The following NYAP2 variants were observed in gnomAD, a reference collection of about 807,000 sequenced individuals.
NYAP2 encodes the protein neuronal tyrosine-phosphorylated phosphoinositide-3-kinase adapter 2.
A neutral mutation model predicts 50.4 loss-of-function variants in NYAP2; 23 were observed. The ratio of observed to expected loss-of-function variants is 0.46; its 90% CI spans 0.33 to 0.65. The LOEUF is 0.65. Among genes scored for constraint, NYAP2 ranks in the 30% least tolerant of loss-of-function variants. The pLI, the probability that NYAP2 is intolerant of heterozygous loss-of-function variation, is 0.02. For missense variants in NYAP2, 885 were observed against 861.0 expected, an observed-to-expected ratio of 1.03 and a Z score of -0.35; for synonymous variants, 394 against 365.2, an observed-to-expected ratio of 1.08 and a Z score of -0.90.
In NYAP2 at chr2:225,551,575, T is replaced by C. The variant is rs555233898; in HGVS notation, c.524-30366T>C. 5.3e-5 allele frequency among the ~76,000 whole-genome samples: 8 copies of C among 152,314 alleles called. No homozygotes were observed. The East Asian group carries it at 9.6e-4, about 18-fold the overall frequency. ...TAAAGTTATGGGGTGGTTTGTTACA[T>C]AGCAGAAAAGTGACACTGTAATGTC... On this transcript the variant is annotated intron_variant, in intron 4 of 6. Coordinates refer to ENST00000636099, the Ensembl canonical transcript of NYAP2.
At chr2:225,460,093 TAG>T (rs1296746836) in intron 3 of NYAP2, among the ~76,000 whole-genome samples, 1 of 152,230 alleles carries the variant, frequency 6.6e-6, no homozygotes. Flanking sequence ...CACTCCTCTT[TAG>T]GTGTGGAATG....
intron 3 of NYAP2, among the ~76,000 whole-genome samples, chr2:225,412,100 A>AG (rs1208462412): frequency 1.0e-4 from 15 of 150,566 alleles, no homozygotes; most frequent in Non-Finnish European, 1.8e-4. Context: ...CTGGGACTAC[A>AG]GGCATGCACC....
At chr2:225,604,088 C>T (rs189262026) in intron 5 of NYAP2, among the ~76,000 whole-genome samples, 18 of 152,214 alleles carry the variant, frequency 1.2e-4, no homozygotes, top group Admixed American at 4.6e-4. Context: ...GTAAACACCA[C>T]GATTCCCAAG....
intron 6 of NYAP2, among the ~76,000 whole-genome samples, chr2:225,639,297 T>C (rs191801858): frequency 6.6e-6 from 1 of 152,212 alleles, no homozygotes; most frequent in African/African-American, 2.4e-5. Flanking sequence ...AGATTATATA[T>C]AACCTGAGTT....
In NYAP2 at chr2:225,453,834, A is replaced by AT. The variant is rs766421405; in HGVS notation, c.221+44755dup. On this transcript the variant is annotated intron_variant, in intron 3 of 6. Transcript: ENST00000636099. ...AGGTGCCCTCCACCACGCCCGGCTAATTTTTTTTTTTTTTTTTTTTTTAGT... is the reference window on the plus strand; with the variant it reads ...AGGTGCCCTCCACCACGCCCGGCTAATTTTTTTTTTTTTTTTTTTTTTTAGT... Among the ~76,000 whole-genome samples, 843 of 126,588 alleles carry AT rather than the reference A, an allele frequency of 6.7e-3. 9 individuals carry two copies. The highest frequency in any genetic ancestry group is 0.035 in the East Asian group (158 of 4,458). 83.0% of individuals were successfully genotyped at this position (126,588 alleles called of 152,430 possible).
At chr2:225,643,534 G>C (rs10221805) in intron 6 of NYAP2, among the ~76,000 whole-genome samples, 75,679 of 147,276 alleles carry the variant, frequency 0.51, 19,665 homozygotes, top group Admixed American at 0.64. Flanking sequence ...ATGCTGGTGC[G>C]CTGCACCCAC....
At chr2:225,628,640 T>C (rs1315934374) in intron 6 of NYAP2, among the ~76,000 whole-genome samples, 1 of 152,098 alleles carries the variant, frequency 6.6e-6, no homozygotes, top group Non-Finnish European at 1.5e-5. Context: ...AGTGTTTTTA[T>C]GGGGAAAAAA....
At chr2:225,504,415 C>T (rs1690666467) in intron 3 of NYAP2, among the ~76,000 whole-genome samples, 2 of 152,100 alleles carry the variant, frequency 1.3e-5, no homozygotes, top group South Asian at 4.1e-4. Context: ...GGTTTCAACA[C>T]ATGAATTTGG....
chr2:225,536,251 C>T (rs530039483), intron 4 of NYAP2, among the ~76,000 whole-genome samples: 8 of 152,302 alleles, frequency 5.3e-5, no homozygotes, highest in African/African-American at 1.9e-4. Flanking sequence ...CTCCTGTTCT[C>T]CCAAGGCGCT....
chr2:225,674,907 G>T, the NYAP2 span, among the ~76,000 whole-genome samples: 1 of 152,060 alleles, frequency 6.6e-6, no homozygotes. Context: ...GTAACATACT[G>T]ATTTTAGAGT....
chr2:225,638,889 A>G (rs1693475941), intron 6 of NYAP2, among the ~76,000 whole-genome samples: 1 of 152,270 alleles, frequency 6.6e-6, no homozygotes, highest in East Asian at 1.9e-4. Context: ...AGGCCAAGAC[A>G]GAGGCCATCT....
At chr2:225,517,383 A>T (rs1286195871) in intron 4 of NYAP2, among the ~76,000 whole-genome samples, 1 of 152,118 alleles carries the variant, frequency 6.6e-6, no homozygotes, top group Non-Finnish European at 1.5e-5. Flanking sequence ...GGGAGTGTGC[A>T]CCCTCACATT....
intron 4 of NYAP2, among the ~76,000 whole-genome samples, chr2:225,519,188 T>G (rs1476410661): frequency 6.6e-6 from 1 of 151,894 alleles, no homozygotes; most frequent in Non-Finnish European, 1.5e-5. Context: ...TAATAAGTAT[T>G]CCCAAGGCAT....
At chr2:225,680,546 A>G in the NYAP2 span, among the ~76,000 whole-genome samples, 1 of 152,178 alleles carries the variant, frequency 6.6e-6, no homozygotes, top group Non-Finnish European at 1.5e-5. Flanking sequence ...CCTTGTAAAG[A>G]TAGTCATTGC....
At chr2:225,425,475 G>A (rs530212114) in intron 3 of NYAP2, among the ~76,000 whole-genome samples, 1 of 152,172 alleles carries the variant, frequency 6.6e-6, no homozygotes, top group Non-Finnish European at 1.5e-5. Flanking sequence ...GCTTTAGAAG[G>A]CAAGGGCACA....
In NYAP2 at chr2:225,558,795, A is replaced by G. The variant is rs533303668; in HGVS notation, c.524-23146A>G. On this transcript the variant is annotated intron_variant, in intron 4 of 6. Transcript: ENST00000636099. ...TGCAGCTTCCTCTACGATGAGAGGC[A>G]TCACCAGACAGAGCCATTCTGTAAT... Among the ~76,000 whole-genome samples the G allele has an allele frequency of 2.6e-5, 4 of 152,296 alleles. No individual in the cohort carries two copies. The East Asian group carries it at 5.8e-4, about 22-fold the overall frequency.
chr2:225,411,657 T>G (rs972448988), intron 3 of NYAP2, among the ~76,000 whole-genome samples: 3 of 151,604 alleles, frequency 2.0e-5, no homozygotes, highest in Non-Finnish European at 2.9e-5. Flanking sequence ...ATTGCTCATA[T>G]GATAGGAACA....
At chr2:225,656,367 C>T (rs914724835), downstream of NYAP2, among the ~76,000 whole-genome samples, 7 of 152,178 alleles carry the variant, frequency 4.6e-5, no homozygotes, top group Non-Finnish European at 4.4e-5. Flanking sequence ...CTACTAAGCC[C>T]CGTTCCTTTC....
the NYAP2 span, chr2:225,700,215 G>A: frequency 6.6e-6 from 1 of 151,716 alleles, no homozygotes; most frequent in Non-Finnish European, 1.5e-5. Context: ...TAATTAATGT[G>A]TATTTTGATG....
Sources: allele counts gnomAD v4.1 joint callset (sites outside exome capture counted in the v4.1 genomes callset), GRCh38; gene constraint gnomAD v4.1.1; transcripts MANE v1.5; gene names NCBI Gene and HGNC (gene_info 2026-07-23, HGNC 2026-07-21).